Variants in ANXA13 observed in about 807,000 individuals in gnomAD.
ANXA13 encodes the protein annexin A13, also known as annexin XIII.
A neutral mutation model predicts 46.6 loss-of-function variants in ANXA13; 36 were observed. The ratio of observed to expected loss-of-function variants is 0.77; its 90% CI spans 0.59 to 1.02. The LOEUF is 1.02. ANXA13 is among the 50% of genes least tolerant of loss of function. The probability of loss-of-function intolerance (pLI) is 0.00; values close to 1 mark genes in which losing one functional copy is unlikely to be tolerated. For missense variants in ANXA13, 417 were observed against 396.5 expected, an observed-to-expected ratio of 1.05 and a Z score of -0.44; for synonymous variants, 163 against 152.9, an observed-to-expected ratio of 1.07 and a Z score of -0.49.
At chr8:123,688,770 C>T in intron 9 of ANXA13, 101 bp downstream of exon 9, 1 of 1,075,776 alleles carries the variant, frequency 9.3e-7, no homozygotes, top group Non-Finnish European at 1.4e-6. Context: ...CTGTTGACCC[C>T]CAAAAGCTAT....
chr8:123,698,653 G>T, intron 3 of ANXA13, 94 bp from the exon 4 acceptor site: 1 of 1,353,656 alleles, frequency 7.4e-7, no homozygotes, highest in East Asian at 2.3e-5. Flanking sequence ...TAGTTGACAA[G>T]AAAGGTGCTG....
intron 2 of ANXA13, among the ~76,000 whole-genome samples, chr8:123,706,022 A>G (rs919519417): frequency 7.9e-5 from 12 of 152,152 alleles, no homozygotes; most frequent in African/African-American, 2.9e-4. Flanking sequence ...CTCAAAGAGT[A>G]TTTTCACCTC....
intron 1 of ANXA13, among the ~76,000 whole-genome samples, chr8:123,726,866 C>G (rs1219532354): frequency 6.6e-6 from 1 of 152,174 alleles, no homozygotes. Context: ...TAGACTACTA[C>G]TCATCCATAA....
intron 8 of ANXA13, among the ~76,000 whole-genome samples, chr8:123,689,272 ATATAT>A (rs1050799538): frequency 1.3e-4 from 19 of 148,038 alleles, no homozygotes; most frequent in East Asian, 1.9e-4. Flanking sequence ...TATATAATTA[ATATAT>A]TATATATACT....
chr8:123,703,356 T>C (rs2129871842), intron 2 of ANXA13, among the ~76,000 whole-genome samples: 1 of 149,650 alleles, frequency 6.7e-6, no homozygotes, highest in Middle Eastern at 3.4e-3. Context: ...GTGGGCTGCC[T>C]AGGGGGATGG....
At chr8:123,712,508 C>A (rs1315712699) in intron 2 of ANXA13, 170 bp downstream of exon 2, 1 of 629,560 alleles carries the variant, frequency 1.6e-6, no homozygotes. Flanking sequence ...TAGGATCCTA[C>A]TGTAATTTTG....
At chr8:123,719,221 C>A (rs1646186430) in intron 1 of ANXA13, among the ~76,000 whole-genome samples, 1 of 152,186 alleles carries the variant, frequency 6.6e-6, no homozygotes, top group Admixed American at 6.5e-5. Context: ...AGCTTCAAGG[C>A]TGGACAATAA....
At chr8:123,720,968 G>C (rs188401879) in intron 1 of ANXA13, among the ~76,000 whole-genome samples, 68 of 152,250 alleles carry the variant, frequency 4.5e-4, no homozygotes, top group Non-Finnish European at 7.1e-4. Context: ...CTGTACTCCA[G>C]ATCTCTAGAA....
At chr8:123,710,904 C>T (rs551260198) in intron 2 of ANXA13, among the ~76,000 whole-genome samples, 57 of 152,172 alleles carry the variant, frequency 3.7e-4, no homozygotes, top group African/African-American at 1.3e-3. Context: ...TCCACTTTGC[C>T]CCTTGACCCC....
chr8:123,732,266 G>A (rs1284893645), intron 1 of ANXA13, among the ~76,000 whole-genome samples: 1 of 152,174 alleles, frequency 6.6e-6, no homozygotes, highest in Non-Finnish European at 1.5e-5. Context: ...CTCCCTGATA[G>A]GATTGTTGTG....
At chr8:123,703,627 AC>A (rs926833712) in intron 2 of ANXA13, among the ~76,000 whole-genome samples, 6 of 152,262 alleles carry the variant, frequency 3.9e-5, no homozygotes, top group African/African-American at 1.4e-4. Context: ...TACAATATTA[AC>A]CCCACCCATA....
At chr8:123,728,731 C>G (rs1352626898) in intron 1 of ANXA13, 1 of 152,172 alleles carries the variant, frequency 6.6e-6, no homozygotes, top group Non-Finnish European at 1.5e-5. Context: ...GAGCAAATTT[C>G]TGTCTCAATC....
In ANXA13 at chr8:123,697,796, C is replaced by A. The variant is rs751857423; in HGVS notation, c.357+593G>T. Among the ~76,000 whole-genome samples the A allele has an allele frequency of 5.3e-5, 8 of 152,200 alleles. No homozygotes were observed. The South Asian group carries it at 8.3e-4, about 16-fold the overall frequency. ...CCCTTGGTTCTCCTGGCTTCTGGAG[C>A]CAGAGACAAATAGTTCTCCATGGGG... On this transcript the variant is annotated intron_variant, in intron 4 of 10. Coordinates refer to ENST00000419625, the MANE Select transcript of ANXA13 (RefSeq NM_004306.4).
At chr8:123,684,568 G>C in intron 10 of ANXA13, 42 bp downstream of exon 10, 1 of 1,369,614 alleles carries the variant, frequency 7.3e-7, no homozygotes, top group Non-Finnish European at 1.0e-6. Flanking sequence ...GTGGAAAAAA[G>C]AGAAGTTGCA....
chr8:123,720,747 T>C (rs903333972), intron 1 of ANXA13, among the ~76,000 whole-genome samples: 2 of 151,050 alleles, frequency 1.3e-5, no homozygotes, highest in East Asian at 3.9e-4. Context: ...AATAATACTT[T>C]ATATTTAAAA....
At chr8:123,705,929 C>T (rs1220892395) in intron 2 of ANXA13, among the ~76,000 whole-genome samples, 5 of 152,168 alleles carry the variant, frequency 3.3e-5, no homozygotes, top group Admixed American at 6.5e-5. Context: ...GACAGAGAGG[C>T]GACTTGGAAA....
chr8:123,712,584 G>T, intron 2 of ANXA13, 94 bp downstream of exon 2: 1 of 1,086,810 alleles, frequency 9.2e-7, no homozygotes, highest in South Asian at 1.3e-5. Flanking sequence ...ACAAGATAGT[G>T]AGATGTCAGC....
rs1427277186 is a variant in ANXA13 at position 123,693,177 on chromosome 8, C to T, written c.642+20G>A. On this transcript the variant is annotated intron_variant, in intron 8 of 10. Coordinates refer to ENST00000419625, the MANE Select transcript of ANXA13 (RefSeq NM_004306.4). ...ACACTTTCAGAGTGAACTCTTTTGC[C>T]CCAATACTTTATGACTTACAATTTG... 1.2e-6 allele frequency: 2 copies of T among 1,605,700 alleles called. No individual in the cohort carries two copies.
chr8:123,729,717 G>A (rs1814075262), intron 1 of ANXA13, among the ~76,000 whole-genome samples: 1 of 152,144 alleles, frequency 6.6e-6, no homozygotes, highest in African/African-American at 2.4e-5. Flanking sequence ...GTACTGAACT[G>A]CTGAACCAAC....
Sources: allele counts gnomAD v4.1 joint callset (sites outside exome capture counted in the v4.1 genomes callset), GRCh38; gene constraint gnomAD v4.1.1; transcripts MANE v1.5; gene names NCBI Gene and HGNC (gene_info 2026-07-23, HGNC 2026-07-21).